The following ACTR6 variants were observed in gnomAD, a reference collection of about 807,000 sequenced individuals.
The protein encoded by ACTR6 is actin related protein 6.
ACTR6 carries 50 observed loss-of-function variants against 52.5 expected under a neutral mutation model. The ratio of observed to expected loss-of-function variants is 0.95; its 90% CI spans 0.76 to 1.20. The LOEUF (loss-of-function observed/expected upper bound fraction) is 1.20. Ranked by LOEUF, ACTR6 falls within the 50% of genes most tolerant of loss-of-function variation. ACTR6 has a pLI of 0.00. For synonymous variants in ACTR6, 135 were observed against 147.2 expected (o/e 0.92, Z 0.60); for missense variants, 344 against 472.4 (o/e 0.73, Z 2.52).
At chr12:100,221,428 G>A (rs551973698) in intron 10 of ACTR6, among the ~76,000 whole-genome samples, 55 of 152,222 alleles carry the variant, frequency 3.6e-4, no homozygotes, top group African/African-American at 1.2e-3. Flanking sequence ...CACCACTAAT[G>A]TTCATATGTT....
rs775872657 is a variant in ACTR6 at position 100,224,258 on chromosome 12, G to A, written c.*343G>A. 6.0e-6 allele frequency: 1 copy of A among 167,892 alleles called. No homozygotes were observed. The highest frequency in any genetic ancestry group is 2.4e-5 in the African/African-American group (1 of 41,766). 10.4% of individuals were successfully genotyped at this position (167,892 alleles called of 1,614,324 possible). A position where few individuals can be genotyped will look rare whatever the true frequency, so the allele number is the denominator to read the frequency against. On this transcript the variant is annotated 3_prime_UTR_variant, in exon 11 of 11. Coordinates refer to ENST00000188312, the MANE Select transcript of ACTR6 (RefSeq NM_022496.5). ...CTTCACTGGACAGTTTTCCTTAGAA[G>A]GTAGTTTTGTGTGACTGTGACTAAA...
Position 100,209,931 on chromosome 12 carries a change from T to C in ACTR6, c.380-142T>C, listed in dbSNP as rs927451849. The stretch of plus-strand genomic sequence containing the variant: ...AAACACAATAAAGATCTTTTGACAG[T>C]TATGAATAGTATTATAAATTAACAT... On this transcript the variant is annotated intron_variant, in intron 4 of 10. Coordinates refer to ENST00000188312, the MANE Select transcript of ACTR6 (RefSeq NM_022496.5). 10 of 615,972 alleles carry C rather than the reference T, an allele frequency of 1.6e-5. No individual in the cohort carries two copies. In the African/African-American group the frequency reaches 1.9e-4, roughly 12 times the overall value. 38.2% of individuals were successfully genotyped at this position (615,972 alleles called of 1,614,324 possible). A position where few individuals can be genotyped will look rare whatever the true frequency, so the allele number is the denominator to read the frequency against.
intron 6 of ACTR6, among the ~76,000 whole-genome samples, chr12:100,210,608 A>C (rs1453679483): frequency 1.3e-5 from 2 of 151,562 alleles, no homozygotes; most frequent in Non-Finnish European, 2.9e-5. Context: ...AATCCCAGCT[A>C]CTCGGGAGGC....
chr12:100,209,972 G>T, intron 4 of ACTR6, 101 bp from the exon 5 acceptor site: 1 of 976,714 alleles, frequency 1.0e-6, no homozygotes, highest in East Asian at 2.6e-5. Flanking sequence ...TTGTAATAAA[G>T]GGAACATTTT....
intron 1 of ACTR6, among the ~76,000 whole-genome samples, chr12:100,202,814 G>A (rs920646040): frequency 1.0e-4 from 15 of 149,496 alleles, no homozygotes; most frequent in Non-Finnish European, 2.2e-4. Flanking sequence ...CCGAGATCAC[G>A]CCACTGCACT....
At chr12:100,209,197 A>G (rs934898567) in intron 4 of ACTR6, among the ~76,000 whole-genome samples, 10 of 152,210 alleles carry the variant, frequency 6.6e-5, no homozygotes, top group African/African-American at 2.4e-4. Context: ...TTTAACTTTC[A>G]GAATTTAAGT....
At chr12:100,201,322 C>G (rs150198973) in intron 1 of ACTR6, among the ~76,000 whole-genome samples, 202 of 152,238 alleles carry the variant, frequency 1.3e-3, no homozygotes, top group African/African-American at 4.7e-3. Context: ...TATGACCCTC[C>G]AAAAGTCTAA....
At chr12:100,210,669 G>C (rs749382921) in intron 6 of ACTR6, among the ~76,000 whole-genome samples, 1 of 150,822 alleles carries the variant, frequency 6.6e-6, no homozygotes, top group African/African-American at 2.4e-5. Flanking sequence ...AGTGAGCCGA[G>C]ATCGCGCCAC....
At chr12:100,209,871 TATG>T (rs1297303751) in intron 4 of ACTR6, among the ~76,000 whole-genome samples, 199 bp from the exon 5 acceptor site, 1 of 152,230 alleles carries the variant, frequency 6.6e-6, no homozygotes, top group African/African-American at 2.4e-5. Context: ...AAATTTTTAT[TATG>T]TTTACCATGT....
At position 100,200,976 on chromosome 12, in the gene ACTR6, T is replaced by C. The variant is rs375054465; in HGVS notation, c.68+57T>C. 38 of 1,612,666 alleles carry C rather than the reference T, an allele frequency of 2.4e-5. No homozygotes were observed. The African/African-American group carries it at 4.3e-4, about 18-fold the overall frequency. Reference sequence around the variant, plus strand: ...ATATACGCCTAGTGGTTTCATGTGCTACGTTTCATCTCCGGACATCAATGA... The same window carrying C: ...ATATACGCCTAGTGGTTTCATGTGCCACGTTTCATCTCCGGACATCAATGA... On this transcript the variant is annotated intron_variant, in intron 1 of 10. Transcript: ENST00000188312.
chr12:100,219,275 G>T (rs2096126273), intron 9 of ACTR6, among the ~76,000 whole-genome samples: 1 of 150,786 alleles, frequency 6.6e-6, no homozygotes, highest in South Asian at 2.1e-4. Context: ...ACAACATTTT[G>T]TACTACACTG....
intron 8 of ACTR6, among the ~76,000 whole-genome samples, chr12:100,215,238 T>C (rs1323125435): frequency 1.3e-5 from 2 of 152,166 alleles, no homozygotes; most frequent in Non-Finnish European, 2.9e-5. Flanking sequence ...TAAAACCTCT[T>C]CCAGATGATT....
At chr12:100,219,510 C>A (rs1411280730) in intron 9 of ACTR6, among the ~76,000 whole-genome samples, 1 of 152,076 alleles carries the variant, frequency 6.6e-6, no homozygotes, top group Non-Finnish European at 1.5e-5. Flanking sequence ...TTTTAACTAT[C>A]AAAGGTAAGT....
chr12:100,203,261 A>G (rs149666226), intron 1 of ACTR6, among the ~76,000 whole-genome samples: 161 of 152,246 alleles, frequency 1.1e-3, no homozygotes, highest in African/African-American at 3.7e-3. Flanking sequence ...TCCCTGCCCT[A>G]TAGCATCTTG....
chr12:100,204,512 C>T (rs2153899932), intron 1 of ACTR6, among the ~76,000 whole-genome samples: 1 of 152,270 alleles, frequency 6.6e-6, no homozygotes, highest in East Asian at 1.9e-4. Context: ...AGGCATGTGC[C>T]ACCATGCCTG....
chr12:100,201,377 C>T (rs1409756155), intron 1 of ACTR6, among the ~76,000 whole-genome samples: 1 of 152,240 alleles, frequency 6.6e-6, no homozygotes, highest in Non-Finnish European at 1.5e-5. Context: ...CTTTGGCCTA[C>T]TGGCCGACCT....
chr12:100,216,496 G>A (rs532449706), intron 8 of ACTR6, among the ~76,000 whole-genome samples: 1 of 152,320 alleles, frequency 6.6e-6, no homozygotes, highest in African/African-American at 2.4e-5. Context: ...AATGGCTTTA[G>A]TGCTAACATT....
At position 100,205,646 on chromosome 12, in the gene ACTR6, G is replaced by C. The variant is rs761842900; in HGVS notation, c.187-30G>C. The C allele has an allele frequency of 5.1e-5, 65 of 1,283,498 alleles. 1 individual carries two copies. The highest frequency in any genetic ancestry group is 6.7e-5 in the Non-Finnish European group (62 of 932,238). 79.5% of individuals were successfully genotyped at this position (1,283,498 alleles called of 1,614,324 possible). A position where few individuals can be genotyped will look rare whatever the true frequency, so the allele number is the denominator to read the frequency against. On this transcript the variant is annotated intron_variant, in intron 2 of 10. Coordinates refer to ENST00000188312, the MANE Select transcript of ACTR6 (RefSeq NM_022496.5). ...TTTTAAAAATTATTCAAATGTTCTT[G>C]ATAATTAAATTTATAAAAACATTTT...
intron 10 of ACTR6, among the ~76,000 whole-genome samples, chr12:100,222,280 A>T: frequency 7.9e-6 from 1 of 125,974 alleles, no homozygotes; most frequent in African/African-American, 3.2e-5. Context: ...TTTTTTTGAG[A>T]CACAGTCTCG....
Sources: gnomAD v4.1 joint callset for allele counts (sites outside exome capture counted in the v4.1 genomes callset) on GRCh38, gnomAD v4.1.1 for gene constraint, MANE v1.5 for transcripts, NCBI Gene and HGNC (gene_info 2026-07-23, HGNC 2026-07-21) for gene names.